The following FRRS1 variants were observed in gnomAD, a reference collection of about 807,000 sequenced individuals.
FRRS1 encodes ferric chelate reductase 1.
A neutral mutation model predicts 70.7 loss-of-function variants in FRRS1; 51 were observed. The ratio of observed to expected loss-of-function variants is 0.72; its 90% confidence interval spans 0.58 to 0.91. The LOEUF (loss-of-function observed/expected upper bound fraction) is 0.91. FRRS1 is among the 40% of genes least tolerant of loss of function. The pLI is 0.00. For missense variants in FRRS1, 672 were observed against 726.0 expected (o/e 0.93, Z 0.86); for synonymous variants, 225 against 238.7 (o/e 0.94, Z 0.53).
chr1:99,752,324 T>C (rs1011000985), intron 1 of FRRS1, among the ~76,000 whole-genome samples: 1 of 152,210 alleles, frequency 6.6e-6, no homozygotes, highest in Non-Finnish European at 1.5e-5. Context: ...TCTAGCTTTT[T>C]ATTGAAAGTG....
chr1:99,745,683 C>CTAAATAAATAAATAAA lies in FRRS1; in HGVS notation c.333+1610_333+1611insTTTATTTATTTATTTA, dbSNP rs58780688. Among the ~76,000 whole-genome samples, 218 of 151,402 alleles carry CTAAATAAATAAATAAA rather than the reference C, an allele frequency of 1.4e-3. 1 individual carries two copies. The highest frequency in any genetic ancestry group is 4.6e-3 in the African/African-American group (188 of 41,142). ...TGGATGACAGAGCGAGACTCTGTCT[C>CTAAATAAATAAATAAA]TAAATAAATAAGTGTTCTATTGATA... On this transcript the variant is annotated intron_variant, in intron 4 of 16. Coordinates refer to ENST00000646001, the MANE Select transcript of FRRS1 (RefSeq NM_001361041.2).
intron 12 of FRRS1, 38 bp from the exon 13 acceptor site, chr1:99,712,553 T>G: frequency 2.6e-6 from 3 of 1,150,704 alleles, no homozygotes; most frequent in Non-Finnish European, 3.8e-6. Flanking sequence ...CCTCAATCTC[T>G]CTCATCAATT....
At chr1:99,711,466 T>G (rs925317484) in intron 14 of FRRS1, 2 of 153,112 alleles carry the variant, frequency 1.3e-5, no homozygotes, top group African/African-American at 4.8e-5. Context: ...CTTCATTCTT[T>G]TTTATGGCTG....
intron 3 of FRRS1, chr1:99,747,824 C>T (rs182481147): frequency 6.5e-6 from 1 of 154,876 alleles, no homozygotes; most frequent in East Asian, 1.9e-4. Flanking sequence ...TACACATGTA[C>T]CCCTGAACCC....
At chr1:99,742,339 T>A in intron 4 of FRRS1, 66 bp from the exon 5 acceptor site, 3 of 972,490 alleles carry the variant, frequency 3.1e-6, no homozygotes, top group Non-Finnish European at 4.9e-6. Context: ...GGAACTTCTA[T>A]CATTTTGCGA....
At chr1:99,720,365 T>C (rs1368379983) in intron 9 of FRRS1, among the ~76,000 whole-genome samples, 1 of 152,158 alleles carries the variant, frequency 6.6e-6, no homozygotes, top group African/African-American at 2.4e-5. Context: ...ATGTTTTCTA[T>C]GCTGGCAAAA....
chr1:99,741,982 T>C (rs546163815), intron 5 of FRRS1, among the ~76,000 whole-genome samples, 197 bp downstream of exon 5: 1 of 152,318 alleles, frequency 6.6e-6, no homozygotes, highest in East Asian at 1.9e-4. Flanking sequence ...ACAGACTAAT[T>C]ATGGTTTCAA....
rs11407313 is a variant in FRRS1 at position 99,730,866 on chromosome 1, CA to C, written c.760-1119del. Among the ~76,000 whole-genome samples, 273 of 88,928 alleles carry C rather than the reference CA, an allele frequency of 3.1e-3. 5 individuals are homozygous for C. In the East Asian group the frequency reaches 0.055, roughly 18 times the overall value. 58.3% of individuals were successfully genotyped at this position (88,928 alleles called of 152,430 possible). A position where few individuals can be genotyped will look rare whatever the true frequency, so the allele number is the denominator to read the frequency against. On this transcript the variant is annotated intron_variant, in intron 7 of 16. Coordinates refer to ENST00000646001, the MANE Select transcript of FRRS1 (RefSeq NM_001361041.2). The stretch of plus-strand genomic sequence containing the variant: ...TGGGCAACAGAGCGAAACTCAGTCT[CA>C]AAAAAAAAAAAAAAAAAAATCAGCC...
At chr1:99,737,977 G>A (rs1378118075) in intron 7 of FRRS1, 109 bp downstream of exon 7, 17 of 840,454 alleles carry the variant, frequency 2.0e-5, no homozygotes, top group African/African-American at 9.0e-5. Flanking sequence ...TCCCGACCTC[G>A]TGATCCACCT....
intron 1 of FRRS1, among the ~76,000 whole-genome samples, chr1:99,758,711 G>A (rs540168198): frequency 1.7e-4 from 26 of 152,092 alleles, no homozygotes; most frequent in Non-Finnish European, 2.8e-4. Context: ...GACTGCCTGC[G>A]GGGTTGGGCA....
chr1:99,754,631 C>CT (rs1306903326), intron 1 of FRRS1, among the ~76,000 whole-genome samples: 1 of 152,158 alleles, frequency 6.6e-6, no homozygotes, highest in Admixed American at 6.5e-5. Flanking sequence ...CATCCAACAA[C>CT]AGAATACACG....
intron 7 of FRRS1, among the ~76,000 whole-genome samples, chr1:99,735,948 T>A (rs1655636972): frequency 6.6e-6 from 1 of 152,202 alleles, no homozygotes; most frequent in Non-Finnish European, 1.5e-5. Flanking sequence ...TTGGATTTTT[T>A]TTTAAGTGGC....
At chr1:99,718,143 A>C (rs1654624567) in intron 10 of FRRS1, among the ~76,000 whole-genome samples, 1 of 152,186 alleles carries the variant, frequency 6.6e-6, no homozygotes, top group African/African-American at 2.4e-5. Context: ...ACTCTGGAAA[A>C]TATAAAGGGA....
At chr1:99,746,878 G>C (rs1043608019) in intron 4 of FRRS1, among the ~76,000 whole-genome samples, 49 of 152,212 alleles carry the variant, frequency 3.2e-4, no homozygotes, top group African/African-American at 1.1e-3. Context: ...TTACACCAGT[G>C]TGGTGCCTCT....
At chr1:99,744,959 G>C (rs1656172390) in intron 4 of FRRS1, among the ~76,000 whole-genome samples, 1 of 121,248 alleles carries the variant, frequency 8.2e-6, no homozygotes, top group African/African-American at 2.7e-5. Flanking sequence ...GACAGAGGGA[G>C]ACTCCGTCTC....
rs972849480 is a variant in FRRS1 at position 99,704,451 on chromosome 1, A to C, written c.*4577T>G. Among the ~76,000 whole-genome samples, 1 of 152,056 alleles carries C rather than the reference A, an allele frequency of 6.6e-6. No homozygotes were observed. Among genetic ancestry groups the C allele is most frequent in the Middle Eastern group, 3.2e-3 (1 of 316 alleles). ...GTGCTGGGAAGGGCGTGGTCCCTTT[A>C]AATAACAGGAAAGGAGGGAAAGGAA... On this transcript the variant is annotated 3_prime_UTR_variant, in exon 17 of 17. Transcript: ENST00000646001.
At chr1:99,748,841 A>G (rs1477588995) in intron 2 of FRRS1, 56 bp downstream of exon 2, 11 of 1,024,754 alleles carry the variant, frequency 1.1e-5, no homozygotes, top group Non-Finnish European at 1.6e-5. Flanking sequence ...CAACTGGACC[A>G]TAATTCTAGA....
intron 9 of FRRS1, among the ~76,000 whole-genome samples, chr1:99,726,142 G>A (rs1655070461): frequency 6.6e-6 from 1 of 152,004 alleles, no homozygotes; most frequent in African/African-American, 2.4e-5. Context: ...TGAGTTCTAA[G>A]GAGATCTCGT....
At chr1:99,750,085 T>G (rs931429590) in intron 1 of FRRS1, among the ~76,000 whole-genome samples, 2 of 152,164 alleles carry the variant, frequency 1.3e-5, no homozygotes, top group African/African-American at 4.8e-5. Flanking sequence ...CTGCTGGGGT[T>G]TTATCAGAGC....
Sources: gnomAD v4.1 joint callset for allele counts (sites outside exome capture counted in the v4.1 genomes callset) on GRCh38, gnomAD v4.1.1 for gene constraint, MANE v1.5 for transcripts, NCBI Gene and HGNC (gene_info 2026-07-23, HGNC 2026-07-21) for gene names.